COL17A1: variants seen among roughly 807,000 people sequenced by gnomAD.
COL17A1 encodes the protein collagen alpha-1(XVII) chain.
In COL17A1, 181 loss-of-function variants were observed where a neutral mutation model predicts 218.4. The ratio of observed to expected loss-of-function variants is 0.83; its 90% CI spans 0.73 to 0.94. COL17A1 has a LOEUF of 0.94. Ranked by LOEUF, COL17A1 falls within the 40% of genes least tolerant of loss-of-function variation. The probability of loss-of-function intolerance (pLI) is 0.00; values close to 1 mark genes in which losing one functional copy is unlikely to be tolerated. For missense variants in COL17A1, 1,924 were observed against 1,945.9 expected (o/e 0.99, Z 0.21); for synonymous variants, 721 against 731.0 (o/e 0.99, Z 0.22).
At chr10:104,062,193 A>G in intron 12 of COL17A1, 65 bp downstream of exon 12, 1 of 1,613,178 alleles carries the variant, frequency 6.2e-7, no homozygotes, top group South Asian at 1.1e-5. Context: ...CTCCTAATTC[A>G]GTGAGTTGTA....
chr10:104,071,367 A>T (rs1441145412), intron 8 of COL17A1, among the ~76,000 whole-genome samples: 1 of 152,156 alleles, frequency 6.6e-6, no homozygotes, highest in Non-Finnish European at 1.5e-5. Flanking sequence ...ACAAGCACCC[A>T]TCTCTGTCCT....
At chr10:104,038,620 G>T in intron 44 of COL17A1, 92 bp from the exon 45 acceptor site, 2 of 1,517,020 alleles carry the variant, frequency 1.3e-6, no homozygotes, top group Non-Finnish European at 1.8e-6. Flanking sequence ...TGAGGAGGGA[G>T]GGTCTTCTCA....
At position 104,033,976 on chromosome 10, in the gene COL17A1, C is replaced by A; in HGVS notation, c.4125G>T (p.Glu1375Asp). 6.2e-7 allele frequency: 1 copy of A among 1,614,212 alleles called. No individual in the cohort carries two copies. The highest frequency in any genetic ancestry group is 8.5e-7 in the Non-Finnish European group (1 of 1,180,040). Residue 1375 changes from glutamate to aspartate, a missense_variant, in exon 52 of 56, where the codon GAG becomes GAT. Physicochemically the swap from Glu to Asp is conservative, Grantham distance 45 (BLOSUM62 2). Coordinates refer to ENST00000648076, the MANE Select transcript of COL17A1 (RefSeq NM_000494.4). ...TGCTCTCTGACACCCTCACAGCCAG[C>A]TCATTGTAATCCAGATCTCCAGCAA... ...ADFAGDLDYN[E>D]LAVRVSESMQ...
Position 104,052,173 on chromosome 10 carries a change from C to A in COL17A1, c.1984G>T (p.Gly662Cys), listed in dbSNP as rs777432339. 1.2e-6 allele frequency: 2 copies of A among 1,614,154 alleles called. No homozygotes were observed. The highest frequency in any genetic ancestry group is 2.2e-5 in the South Asian group (2 of 91,080). Reference sequence around the variant, plus strand: ...GACTTACCTTTGGGACCCACAGAACCTGGGACACCAGGTGGGCCATGAGGA... The same window carrying A: ...GACTTACCTTTGGGACCCACAGAACATGGGACACCAGGTGGGCCATGAGGA... ...PGPHGPPGVP[G>C]SVGPKGSSGS... Residue 662 changes from glycine to cysteine, a missense_variant, in exon 24 of 56, where the codon GGT becomes TGT. Gly to Cys is a radical substitution (Grantham distance 159, BLOSUM62 -3). Transcript: ENST00000648076.
chr10:104,061,108 C>T (rs144653365), intron 13 of COL17A1, among the ~76,000 whole-genome samples: 55 of 152,290 alleles, frequency 3.6e-4, no homozygotes, highest in African/African-American at 1.3e-3. Context: ...AGGCCAAAGG[C>T]TTCCAGTCAA....
chr10:104,055,049 A>G (rs768323951), intron 19 of COL17A1, 42 bp from the exon 20 acceptor site: 1 of 1,613,550 alleles, frequency 6.2e-7, no homozygotes, highest in Admixed American at 1.7e-5. Flanking sequence ...TGGGGCAAGA[A>G]CCCAAAGGCC....
At chr10:104,060,646 T>A (rs555651273) in intron 13 of COL17A1, among the ~76,000 whole-genome samples, 235 of 152,258 alleles carry the variant, frequency 1.5e-3, no homozygotes, top group Middle Eastern at 0.014. Context: ...ATCCTCCAGG[T>A]CTTAAGAGTT....
intron 47 of COL17A1, 47 bp from the exon 48 acceptor site, chr10:104,036,679 G>T (rs772731240): frequency 6.8e-5 from 110 of 1,607,820 alleles, no homozygotes; most frequent in Non-Finnish European, 9.0e-5. Context: ...GGCCATGGGG[G>T]TCGCAGCCAT....
Position 104,039,843 on chromosome 10 carries a change from A to G in COL17A1, c.2788+130T>C, listed in dbSNP as rs574883084. On this transcript the variant is annotated intron_variant, in intron 41 of 55. Transcript: ENST00000648076. ...CCCATGCACACACTCAACCATTCCT[A>G]GAGAAACACTGCTCTACTCTTGCTT... The G allele has an allele frequency of 5.5e-5, 75 of 1,373,958 alleles. No homozygotes were observed. The African/African-American group carries it at 9.3e-4, about 17-fold the overall frequency. 85.1% of individuals were successfully genotyped at this position (1,373,958 alleles called of 1,614,324 possible).
intron 33 of COL17A1, 108 bp from the exon 34 acceptor site, chr10:104,043,968 C>T: frequency 1.6e-6 from 2 of 1,213,304 alleles, no homozygotes; most frequent in Non-Finnish European, 2.5e-6. Flanking sequence ...TTCTGGGCCT[C>T]TCACCATCAG....
intron 26 of COL17A1, 95 bp downstream of exon 26, chr10:104,050,753 A>T: frequency 1.2e-6 from 2 of 1,613,856 alleles, no homozygotes; most frequent in Admixed American, 1.7e-5. Context: ...CTCAATCCTG[A>T]CTTCTTCTTC....
At position 104,077,427 on chromosome 10, in the gene COL17A1, T is replaced by C; in HGVS notation, c.197A>G (p.Asn66Ser). 1 of 1,612,038 alleles carries C rather than the reference T, an allele frequency of 6.2e-7. No homozygotes were observed. The highest frequency in any genetic ancestry group is 8.5e-7 in the Non-Finnish European group (1 of 1,179,226). ...TTGCACTAGTGGGCACTCACTTGAG[T>C]TTATGTAGCCGCTGCTGCCATGAGT... ...SLTHGSSGYINSTGSTRGHAS... is the reference protein window; with the variant it reads ...SLTHGSSGYISSTGSTRGHAS... The change falls in exon 4 of 56, where the codon AAC (asparagine) becomes AGC (serine). Residue 66 changes from asparagine to serine, a missense_variant. Coordinates refer to ENST00000648076, the MANE Select transcript of COL17A1 (RefSeq NM_000494.4).
rs533754940 is a variant in COL17A1 at position 104,060,626 on chromosome 10, G to A, written c.980-346C>T. Among the ~76,000 whole-genome samples the A allele has an allele frequency of 9.5e-4, 145 of 152,200 alleles. 1 individual carries two copies. Among genetic ancestry groups the A allele is most frequent in the Non-Finnish European group, 1.7e-3 (114 of 68,012 alleles). On this transcript the variant is annotated intron_variant, in intron 13 of 55. Transcript: ENST00000648076. ...GTAAGTCCTTCCTTAACTAACTTGG[G>A]TTCATTTTTATCCTCCAGGTCTTAA...
chr10:104,064,493 G>A lies in COL17A1; in HGVS notation c.711C>T (p.Asn237=). The part of the protein sequence containing the change: ...AGSSMGTYHN[N]MTTQSSSLLN... ...GGAGGGATGAGCTCTGGGTTGTCATGTTGTTGTGATAGGTCCCCATGGAGG... is the reference window on the plus strand; with the variant it reads ...GGAGGGATGAGCTCTGGGTTGTCATATTGTTGTGATAGGTCCCCATGGAGG... Residue 237 remains asparagine (N), a synonymous_variant, in exon 10 of 56, where the codon AAC becomes AAT. Transcript: ENST00000648076. The A allele has an allele frequency of 6.2e-7, 1 of 1,614,206 alleles. No individual in the cohort carries two copies. Among genetic ancestry groups the A allele is most frequent in the Non-Finnish European group, 8.5e-7 (1 of 1,180,038 alleles).
chr10:104,078,968 C>T (rs2086735934), intron 2 of COL17A1, among the ~76,000 whole-genome samples: 1 of 152,202 alleles, frequency 6.6e-6, no homozygotes, highest in African/African-American at 2.4e-5. Context: ...TCTCCTTCCC[C>T]ATGGTCTCTC....
chr10:104,085,322 T>G (rs756125693), intron 1 of COL17A1, among the ~76,000 whole-genome samples: 1 of 152,004 alleles, frequency 6.6e-6, no homozygotes. Context: ...CTTCGTCCAG[T>G]GGAGAGAGAG....
intron 33 of COL17A1, 74 bp from the exon 34 acceptor site, chr10:104,043,934 C>A: frequency 6.5e-7 from 1 of 1,542,206 alleles, no homozygotes; most frequent in Non-Finnish European, 9.0e-7. Flanking sequence ...ATTTTCAAGG[C>A]TTCTGATTGC....
intron 25 of COL17A1, 70 bp from the exon 26 acceptor site, chr10:104,050,971 C>A (rs2086463932): frequency 3.7e-6 from 6 of 1,606,468 alleles, no homozygotes; most frequent in African/African-American, 1.3e-5. Context: ...CATGTATGCA[C>A]ACACATGCAC....
At chr10:104,036,781 G>C in intron 47 of COL17A1, 149 bp from the exon 48 acceptor site, 1 of 1,024,674 alleles carries the variant, frequency 9.8e-7, no homozygotes, top group Non-Finnish European at 1.5e-6. Context: ...GTTCAGGGGG[G>C]ACACCAGCAA....
Sources: gnomAD v4.1 joint callset for allele counts (sites outside exome capture counted in the v4.1 genomes callset) on GRCh38, gnomAD v4.1.1 for gene constraint, MANE v1.5 for transcripts, NCBI Gene and HGNC (gene_info 2026-07-23, HGNC 2026-07-21) for gene names.